Variants in DNAH17 observed in about 807,000 individuals in gnomAD.
DNAH17 encodes the protein dynein axonemal heavy chain 17, also known as axonemal beta dynein heavy chain 17.
A neutral mutation model predicts 485.6 loss-of-function variants in DNAH17; 376 were observed. That is an observed-to-expected ratio of 0.77 (90% CI 0.71 to 0.84). The LOEUF (loss-of-function observed/expected upper bound fraction) is 0.84. Among genes scored for constraint, DNAH17 ranks in the 40% least tolerant of loss-of-function variants. The pLI is 0.00. For synonymous variants in DNAH17, 3,031 were observed against 2,405.9 expected (o/e 1.26, Z -7.60); for missense variants, 6,370 against 5,839.3 (o/e 1.09, Z -2.96).
rs1327428332 is a variant in DNAH17 at position 78,459,205 on chromosome 17, G to A, written c.9657C>T (p.Pro3219=). 1 of 1,613,748 alleles carries A rather than the reference G, an allele frequency of 6.2e-7. No individual in the cohort carries two copies. Among genetic ancestry groups the A allele is most frequent in the South Asian group, 1.1e-5 (1 of 91,074 alleles). ...GGTCGAACGTCGGGTTGCCTTGGTA[G>A]GGCCTAGCGAGGGAACCAGAGGGCC... ...IPEACLKAFK[P]YQGNPTFDPE... The change falls in exon 61 of 81, where the codon CCC becomes CCT. Residue 3219 remains proline, a synonymous_variant. Coordinates refer to ENST00000389840, the MANE Select transcript of DNAH17 (RefSeq NM_173628.4).
intron 27 of DNAH17, among the ~76,000 whole-genome samples, chr17:78,510,172 A>G (rs1488786317): frequency 1.3e-5 from 2 of 152,198 alleles, no homozygotes; most frequent in African/African-American, 4.8e-5. Flanking sequence ...ACAGAGAGAG[A>G]CTCTGTCTCA....
At position 78,480,773 on chromosome 17, in the gene DNAH17, T is replaced by TA. The variant is rs1193246197; in HGVS notation, c.7662dup (p.Lys2555Ter). On this transcript the variant is annotated frameshift_variant, in exon 49 of 81. Transcript: ENST00000389840. LOFTEE classifies it high-confidence loss of function. The stretch of plus-strand genomic sequence containing the variant: ...TTATGGATATCTTTTAACGTCAGCT[T>TA]ATGTCTGTCATACCTGAGGGGGGAA... 3 of 1,612,934 alleles carry TA rather than the reference T, an allele frequency of 1.9e-6. No homozygotes were observed. Among genetic ancestry groups the TA allele is most frequent in the Non-Finnish European group, 1.7e-6 (2 of 1,179,548 alleles).
chr17:78,563,529 C>T (rs2092204026), intron 11 of DNAH17, among the ~76,000 whole-genome samples: 1 of 152,252 alleles, frequency 6.6e-6, no homozygotes, highest in Admixed American at 6.5e-5. Context: ...AACCGACACA[C>T]CTGTAATCCC....
rs561503389 is a variant in DNAH17, at chr17:78,484,028, G to A, written c.7649+840C>T. On this transcript the variant is annotated intron_variant, in intron 48 of 80. Coordinates refer to ENST00000389840, the MANE Select transcript of DNAH17 (RefSeq NM_173628.4). ...GGAGAATTCCTTGAACCCAGGAGGC[G>A]GAGGTTGCAGTAAGCCAAGATCGAG... Among the ~76,000 whole-genome samples the A allele has an allele frequency of 4.2e-3, 615 of 146,818 alleles. 1 individual carries two copies. Among genetic ancestry groups the A allele is most frequent in the Non-Finnish European group, 7.3e-3 (488 of 66,858 alleles).
intron 13 of DNAH17, among the ~76,000 whole-genome samples, chr17:78,559,825 C>T (rs1423296518): frequency 6.6e-6 from 1 of 152,114 alleles, no homozygotes; most frequent in Non-Finnish European, 1.5e-5. Flanking sequence ...TCCCCCGCCC[C>T]ACTGGCCTCC....
intron 61 of DNAH17, 56 bp from the exon 62 acceptor site, chr17:78,458,736 C>T: frequency 6.8e-7 from 1 of 1,478,334 alleles, no homozygotes; most frequent in South Asian, 1.1e-5. Flanking sequence ...CTCTAGCCCC[C>T]TGCAGCGGCA....
At chr17:78,507,137 G>C in intron 29 of DNAH17, 141 bp downstream of exon 29, 1 of 985,502 alleles carries the variant, frequency 1.0e-6, no homozygotes, top group Non-Finnish European at 1.5e-6. Context: ...GCTCCCCAGG[G>C]AAAGGCAATT....
At chr17:78,426,845 G>A in intron 78 of DNAH17, 81 bp downstream of exon 78, 2 of 1,509,750 alleles carry the variant, frequency 1.3e-6, no homozygotes, top group East Asian at 2.4e-5. Context: ...GCCTGTGCTA[G>A]GCCTGGGTTG....
chr17:78,499,299 G>T, intron 36 of DNAH17, 187 bp from the exon 37 acceptor site: 1 of 429,620 alleles, frequency 2.3e-6, no homozygotes. Flanking sequence ...CACCGTGGAG[G>T]GCTGGACACG....
intron 72 of DNAH17, among the ~76,000 whole-genome samples, chr17:78,439,670 T>G (rs901436424): frequency 7.3e-6 from 1 of 136,320 alleles, no homozygotes; most frequent in African/African-American, 3.0e-5. Flanking sequence ...CTTCACTTTT[T>G]TTTTTTTTTT....
At chr17:78,488,181 G>A (rs926838118) in intron 44 of DNAH17, among the ~76,000 whole-genome samples, 7 of 152,302 alleles carry the variant, frequency 4.6e-5, no homozygotes, top group East Asian at 3.9e-4. Flanking sequence ...TCTGATATGC[G>A]TAGCACAGGC....
intron 18 of DNAH17, among the ~76,000 whole-genome samples, chr17:78,538,919 A>G (rs906812542): frequency 2.6e-5 from 4 of 152,118 alleles, no homozygotes; most frequent in African/African-American, 9.7e-5. Flanking sequence ...ACTCAAAATC[A>G]TTTAGAAACC....
intron 25 of DNAH17, among the ~76,000 whole-genome samples, chr17:78,515,672 C>G (rs540707130): frequency 5.3e-5 from 8 of 152,286 alleles, no homozygotes; most frequent in Non-Finnish European, 1.0e-4. Flanking sequence ...CTGACAATAC[C>G]CAGCTTGGCA....
intron 16 of DNAH17, among the ~76,000 whole-genome samples, chr17:78,548,105 C>T (rs1416353489): frequency 6.6e-6 from 1 of 151,764 alleles, no homozygotes; most frequent in Non-Finnish European, 1.5e-5. Context: ...TCTGCTTTTG[C>T]AGTTTTGACT....
chr17:78,570,879 GAA>G (rs1186425349), intron 6 of DNAH17, 67 bp downstream of exon 6: 1 of 484,766 alleles, frequency 2.1e-6, no homozygotes, highest in African/African-American at 3.0e-5. Flanking sequence ...AAAAAAAAAA[GAA>G]AAAAGAAAAG....
intron 16 of DNAH17, among the ~76,000 whole-genome samples, chr17:78,548,500 G>A (rs777556529): frequency 6.6e-6 from 1 of 152,110 alleles, no homozygotes; most frequent in South Asian, 2.1e-4. Context: ...CACTGCACCC[G>A]GCCACGGCCT....
chr17:78,437,782 C>CA lies in DNAH17; in HGVS notation c.11891dup (p.Phe3965ValfsTer123). The CA allele has an allele frequency of 1.2e-6, 2 of 1,612,616 alleles. No homozygotes were observed. The highest frequency in any genetic ancestry group is 1.1e-5 in the South Asian group (1 of 91,084). ...TGGGGGCAGGCTCCGCGCTGATGAA[C>CA]ACCCGGTAGTCCTCATGGCTGCCCG... On this transcript the variant is annotated frameshift_variant, in exon 74 of 81. Transcript: ENST00000389840. LOFTEE classifies it high-confidence loss of function.
At position 78,427,217 on chromosome 17, in the gene DNAH17, AG is replaced by A; in HGVS notation, c.12589-110del. 2.6e-6 allele frequency: 3 copies of A among 1,149,806 alleles called. No homozygotes were observed. The South Asian group carries it at 4.1e-5, about 16-fold the overall frequency. The allele number at this position is 1,149,806 out of a possible 1,614,324, so 71.2% of individuals were successfully genotyped here. Reference sequence around the variant, plus strand: ...TTCCCAGCCCCAAGTCCTGGAGAGGAGGGAAGAGGCAAGTAGAGTTGCCAGA... The same window carrying A: ...TTCCCAGCCCCAAGTCCTGGAGAGGAGGAAGAGGCAAGTAGAGTTGCCAGA... On this transcript the variant is annotated intron_variant, in intron 77 of 80. Transcript: ENST00000389840.
intron 26 of DNAH17, among the ~76,000 whole-genome samples, chr17:78,511,576 G>A (rs2090637028): frequency 6.6e-6 from 1 of 152,220 alleles, no homozygotes; most frequent in South Asian, 2.1e-4. Flanking sequence ...CGTTAGTCTA[G>A]TACGAACATA....
Sources: gnomAD v4.1 joint callset for allele counts (sites outside exome capture counted in the v4.1 genomes callset) on GRCh38, gnomAD v4.1.1 for gene constraint, MANE v1.5 for transcripts, NCBI Gene and HGNC (gene_info 2026-07-23, HGNC 2026-07-21) for gene names.